KAZN: variants seen among roughly 807,000 people sequenced by gnomAD.
KAZN encodes the protein kazrin, periplakin interacting protein.
In KAZN, 40 loss-of-function variants were observed where a neutral mutation model predicts 87.4. That is an observed-to-expected ratio of 0.46 (90% CI 0.36 to 0.60). The LOEUF (loss-of-function observed/expected upper bound fraction) is 0.60, where lower values mean the gene tolerates loss of function less well. KAZN is among the 20% of genes least tolerant of loss of function. The probability of loss-of-function intolerance (pLI) is 0.00; values close to 1 mark genes in which losing one functional copy is unlikely to be tolerated. For synonymous variants in KAZN, 466 were observed against 458.3 expected (o/e 1.02, Z -0.22); for missense variants, 898 against 1,073.9 (o/e 0.84, Z 2.29).
intron 2 of KAZN, among the ~76,000 whole-genome samples, chr1:14,980,857 T>C (rs1572974589): frequency 6.7e-6 from 1 of 150,178 alleles, no homozygotes; most frequent in African/African-American, 2.5e-5. Flanking sequence ...GGAGGAAAAA[T>C]GAGGGAGGCA....
intron 2 of KAZN, among the ~76,000 whole-genome samples, chr1:15,029,387 C>T (rs149174808): frequency 4.6e-5 from 7 of 152,282 alleles, no homozygotes; most frequent in African/African-American, 1.4e-4. Context: ...TAGGCAGAAG[C>T]GAATAATCTA....
chr1:14,311,241 T>A (rs1461002738), intron 2 of KAZN, among the ~76,000 whole-genome samples: 1 of 152,208 alleles, frequency 6.6e-6, no homozygotes, highest in Non-Finnish European at 1.5e-5. Context: ...GATCTGAGTC[T>A]AGCCCTTACC....
intron 13 of KAZN, chr1:15,112,168 G>A (rs1476480558): frequency 7.5e-6 from 4 of 534,436 alleles, no homozygotes; most frequent in Non-Finnish European, 1.0e-5. Flanking sequence ...TGTCGTCTTG[G>A]GCAAATTGCT....
At chr1:14,382,239 A>G (rs1661426560) in intron 2 of KAZN, among the ~76,000 whole-genome samples, 1 of 152,206 alleles carries the variant, frequency 6.6e-6, no homozygotes, top group African/African-American at 2.4e-5. Flanking sequence ...ATACTACCCA[A>G]TGCAATCTAC....
At chr1:14,595,022 G>C (rs1676403186), upstream of KAZN, among the ~76,000 whole-genome samples, 1 of 152,086 alleles carries the variant, frequency 6.6e-6, no homozygotes, top group Non-Finnish European at 1.5e-5. Flanking sequence ...GTGGGCACCT[G>C]TAACCCCAGC....
chr1:15,095,029 A>G, intron 10 of KAZN, 96 bp downstream of exon 10: 1 of 825,558 alleles, frequency 1.2e-6, no homozygotes, highest in Non-Finnish European at 2.0e-6. Flanking sequence ...TGTGGGCTGA[A>G]CCAGGTGGTG....
chr1:15,100,398 C>T lies in KAZN; in HGVS notation c.1548-1145C>T, dbSNP rs188669452. 7.1e-3 allele frequency among the ~76,000 whole-genome samples: 1,077 copies of T among 152,308 alleles called. 10 individuals carry two copies. Among genetic ancestry groups the T allele is most frequent in the South Asian group, 0.018 (89 of 4,824 alleles). On this transcript the variant is annotated intron_variant, in intron 10 of 14. Transcript: ENST00000376030. ...GAGCAGGGTGGAGTGGCTTTGCAAG[C>T]CCACCACTTTCCCTTTCACATACTG...
chr1:14,053,394 A>G (rs552042445), intron 1 of KAZN, among the ~76,000 whole-genome samples: 4 of 152,288 alleles, frequency 2.6e-5, no homozygotes, highest in African/African-American at 9.6e-5. Flanking sequence ...TGGAGAACCC[A>G]GCTAAGCCAC....
At chr1:15,036,691 C>T (rs1672372647) in intron 3 of KAZN, among the ~76,000 whole-genome samples, 1 of 152,116 alleles carries the variant, frequency 6.6e-6, no homozygotes, top group African/African-American at 2.4e-5. Flanking sequence ...ACCAGGAGCT[C>T]AGAGTGACCT....
chr1:15,046,126 T>C (rs1673468821), intron 4 of KAZN, among the ~76,000 whole-genome samples: 1 of 152,032 alleles, frequency 6.6e-6, no homozygotes, highest in Non-Finnish European at 1.5e-5. Context: ...GGTGTAACCT[T>C]GTCTCTACTA....
chr1:14,742,228 C>G (rs1644123001), intron 1 of KAZN, among the ~76,000 whole-genome samples: 1 of 152,214 alleles, frequency 6.6e-6, no homozygotes, highest in African/African-American at 2.4e-5. Context: ...TTCCCAGCAT[C>G]TAGAAGAGGG....
At chr1:14,407,625 G>T (rs548648292) in intron 2 of KAZN, among the ~76,000 whole-genome samples, 2 of 152,222 alleles carry the variant, frequency 1.3e-5, no homozygotes, top group East Asian at 1.9e-4. Context: ...CCAGTTTCCT[G>T]ATCTCTCTAC....
chr1:14,677,996 A>T (rs1015023567), intron 1 of KAZN, among the ~76,000 whole-genome samples: 2 of 152,144 alleles, frequency 1.3e-5, no homozygotes, highest in Non-Finnish European at 2.9e-5. Flanking sequence ...ACGAAGTCTG[A>T]CCCCAGAATT....
chr1:14,044,616 A>G (rs1165471359), intron 1 of KAZN, among the ~76,000 whole-genome samples: 1 of 152,152 alleles, frequency 6.6e-6, no homozygotes, highest in Non-Finnish European at 1.5e-5. Context: ...TAAGAGTGGT[A>G]AGTAATATGA....
intron 2 of KAZN, among the ~76,000 whole-genome samples, chr1:14,254,237 A>G (rs1454928363): frequency 6.6e-6 from 1 of 152,236 alleles, no homozygotes; most frequent in African/African-American, 2.4e-5. Flanking sequence ...TCTTTATCAA[A>G]TAATTTGATA....
intron 1 of KAZN, among the ~76,000 whole-genome samples, chr1:13,992,542 AC>A (rs1639333342): frequency 6.6e-6 from 1 of 152,198 alleles, no homozygotes; most frequent in Admixed American, 6.5e-5. Context: ...GTTAAAGCTG[AC>A]TACTGTTAGC....
intron 2 of KAZN, among the ~76,000 whole-genome samples, chr1:14,498,502 GC>G (rs1452349310): frequency 6.6e-6 from 1 of 152,112 alleles, no homozygotes; most frequent in Non-Finnish European, 1.5e-5. Context: ...GACCAGCCTG[GC>G]CAACATGGTG....
At chr1:14,195,814 C>T (rs577436442) in intron 2 of KAZN, among the ~76,000 whole-genome samples, 2 of 152,022 alleles carry the variant, frequency 1.3e-5, no homozygotes, top group African/African-American at 2.4e-5. Flanking sequence ...ACTAGGAAAT[C>T]GAAAGTAAGT....
At chr1:14,865,491 C>T (rs928960870) in intron 1 of KAZN, among the ~76,000 whole-genome samples, 2 of 152,164 alleles carry the variant, frequency 1.3e-5, no homozygotes, top group Admixed American at 6.5e-5. Context: ...TCTGCTGCTG[C>T]GGTGACCTTC....
Sources: gnomAD v4.1 joint callset for allele counts (sites outside exome capture counted in the v4.1 genomes callset) on GRCh38, gnomAD v4.1.1 for gene constraint, MANE v1.5 for transcripts, NCBI Gene and HGNC (gene_info 2026-07-23, HGNC 2026-07-21) for gene names.